ARHGAP31: variants seen among roughly 807,000 people sequenced by gnomAD.
ARHGAP31 encodes rho GTPase-activating protein 31.
In ARHGAP31, 34 loss-of-function variants were observed where a neutral mutation model predicts 113.9. That is an observed-to-expected ratio of 0.30 (90% CI 0.23 to 0.40). The LOEUF is 0.40. Ranked by LOEUF, ARHGAP31 falls within the 10% of genes least tolerant of loss-of-function variation. The pLI is 1.00. For synonymous variants in ARHGAP31, 650 were observed against 684.8 expected (o/e 0.95, Z 0.79); for missense variants, 1,548 against 1,767.1 (o/e 0.88, Z 2.22).
chr3:119,361,711 A>T (rs2080208577), intron 1 of ARHGAP31, among the ~76,000 whole-genome samples: 1 of 152,196 alleles, frequency 6.6e-6, no homozygotes, highest in Non-Finnish European at 1.5e-5. Flanking sequence ...CATCAGAATC[A>T]TCCGGAGGAT....
At chr3:119,408,656 A>G (rs530361389) in intron 10 of ARHGAP31, among the ~76,000 whole-genome samples, 2 of 152,334 alleles carry the variant, frequency 1.3e-5, no homozygotes, top group South Asian at 4.1e-4. Context: ...TTTCTTTAAT[A>G]CCACTGTAAA....
At chr3:119,308,385 A>T (rs961273603) in intron 1 of ARHGAP31, among the ~76,000 whole-genome samples, 7 of 152,218 alleles carry the variant, frequency 4.6e-5, no homozygotes, top group Non-Finnish European at 7.3e-5. Context: ...AAGGTGCAAG[A>T]TGTATTTCTG....
intron 1 of ARHGAP31, among the ~76,000 whole-genome samples, chr3:119,345,879 G>A (rs892723807): frequency 7.9e-5 from 12 of 152,150 alleles, no homozygotes; most frequent in African/African-American, 1.4e-4. Context: ...ACCTATTCTA[G>A]AAACTAAGTC....
At chr3:119,346,506 G>T (rs900645945) in intron 1 of ARHGAP31, among the ~76,000 whole-genome samples, 1 of 152,238 alleles carries the variant, frequency 6.6e-6, no homozygotes, top group Non-Finnish European at 1.5e-5. Flanking sequence ...TTAACTGCAT[G>T]TAATTGAACT....
Position 119,416,364 on chromosome 3 carries a change from G to A in ARHGAP31, c.*100G>A, listed in dbSNP as rs765606058. The A allele has an allele frequency of 4.0e-5, 61 of 1,530,244 alleles. No individual in the cohort carries two copies. Among genetic ancestry groups the A allele is most frequent in the Non-Finnish European group, 5.2e-5 (58 of 1,122,720 alleles). The allele number at this position is 1,530,244 out of a possible 1,614,324, so 94.8% of individuals were successfully genotyped here. The stretch of plus-strand genomic sequence containing the variant: ...TCCAGGCACACGTTATCAAGTTTGG[G>A]CCTATTGTGGCCTCTGACTTCTCTT... On this transcript the variant is annotated 3_prime_UTR_variant, in exon 12 of 12. Transcript: ENST00000264245.
chr3:119,381,830 C>CA (rs771563044), intron 4 of ARHGAP31, among the ~76,000 whole-genome samples: 3 of 152,004 alleles, frequency 2.0e-5, no homozygotes, highest in East Asian at 1.9e-4. Flanking sequence ...ACCAAAAATA[C>CA]AAAAAATTAG....
chr3:119,388,158 G>T (rs1280347122), intron 6 of ARHGAP31, among the ~76,000 whole-genome samples: 1 of 152,082 alleles, frequency 6.6e-6, no homozygotes, highest in Non-Finnish European at 1.5e-5. Context: ...AAAGTAATGA[G>T]TTATGGGTGT....
rs765606058 is a variant in ARHGAP31, at chr3:119,416,364, G to T, written c.*100G>T. 15 of 1,530,246 alleles carry T rather than the reference G, an allele frequency of 9.8e-6. No homozygotes were observed. In the South Asian group the frequency reaches 1.5e-4, roughly 15 times the overall value. 94.8% of individuals were successfully genotyped at this position (1,530,246 alleles called of 1,614,324 possible). On this transcript the variant is annotated 3_prime_UTR_variant, in exon 12 of 12. Coordinates refer to ENST00000264245, the MANE Select transcript of ARHGAP31 (RefSeq NM_020754.4). ...TCCAGGCACACGTTATCAAGTTTGG[G>T]CCTATTGTGGCCTCTGACTTCTCTT...
intron 1 of ARHGAP31, among the ~76,000 whole-genome samples, chr3:119,302,924 TCA>T (rs1447086356): frequency 6.6e-6 from 1 of 152,222 alleles, no homozygotes; most frequent in African/African-American, 2.4e-5. Flanking sequence ...AAGGTGCATT[TCA>T]CACACACGGA....
intron 1 of ARHGAP31, among the ~76,000 whole-genome samples, chr3:119,309,136 C>T (rs1199197580): frequency 2.0e-5 from 3 of 152,188 alleles, no homozygotes; most frequent in Non-Finnish European, 4.4e-5. Flanking sequence ...GCCACCGTGC[C>T]TGGCCAATTA....
chr3:119,370,686 C>T (rs2080290595), intron 3 of ARHGAP31, among the ~76,000 whole-genome samples: 1 of 152,130 alleles, frequency 6.6e-6, no homozygotes, highest in Non-Finnish European at 1.5e-5. Context: ...TTAAGAAATA[C>T]GGGAAGACAC....
At chr3:119,332,516 T>C (rs2079900819) in intron 1 of ARHGAP31, among the ~76,000 whole-genome samples, 1 of 152,018 alleles carries the variant, frequency 6.6e-6, no homozygotes, top group Non-Finnish European at 1.5e-5. Flanking sequence ...CCCTGTATTT[T>C]AAGATGTGCT....
intron 1 of ARHGAP31, among the ~76,000 whole-genome samples, chr3:119,299,556 G>A (rs996675615): frequency 1.1e-4 from 17 of 152,146 alleles, no homozygotes; most frequent in South Asian, 8.3e-4. Flanking sequence ...ATAAGGCAAC[G>A]GGAACTTTTA....
chr3:119,321,392 T>C (rs1046626753), intron 1 of ARHGAP31, among the ~76,000 whole-genome samples: 1 of 148,534 alleles, frequency 6.7e-6, no homozygotes, highest in African/African-American at 2.5e-5. Context: ...ATGCTTATCC[T>C]CATTGTAGAT....
intron 10 of ARHGAP31, among the ~76,000 whole-genome samples, chr3:119,408,642 C>T (rs1016690357): frequency 2.6e-5 from 4 of 152,206 alleles, no homozygotes; most frequent in African/African-American, 9.7e-5. Flanking sequence ...CATTTGAACC[C>T]AGGTTTCTTT....
intron 1 of ARHGAP31, among the ~76,000 whole-genome samples, chr3:119,331,535 T>G (rs1481923040): frequency 6.6e-6 from 1 of 152,148 alleles, no homozygotes. Flanking sequence ...GGTGTATATA[T>G]AGTACCTGCA....
intron 1 of ARHGAP31, among the ~76,000 whole-genome samples, chr3:119,323,465 G>T (rs76390481): frequency 0.021 from 3,231 of 152,308 alleles, 94 homozygotes; most frequent in South Asian, 0.067. Context: ...GCTTTGCTTT[G>T]CGTTTCTTTC....
intron 1 of ARHGAP31, among the ~76,000 whole-genome samples, chr3:119,308,449 C>T (rs1367378278): frequency 2.0e-5 from 3 of 152,202 alleles, no homozygotes; most frequent in Non-Finnish European, 4.4e-5. Flanking sequence ...CAGAAACCAC[C>T]TACATTCCTT....
intron 11 of ARHGAP31, 61 bp downstream of exon 11, chr3:119,409,837 G>A: frequency 6.7e-7 from 1 of 1,493,356 alleles, no homozygotes; most frequent in African/African-American, 1.4e-5. Context: ...AGGGCTCTTG[G>A]TACAATTTAA....
Sources: gnomAD v4.1 joint callset for allele counts (sites outside exome capture counted in the v4.1 genomes callset) on GRCh38, gnomAD v4.1.1 for gene constraint, MANE v1.5 for transcripts, NCBI Gene and HGNC (gene_info 2026-07-23, HGNC 2026-07-21) for gene names.